The following VAV2 variants were observed in gnomAD, a reference collection of about 807,000 sequenced individuals.
VAV2 encodes guanine nucleotide exchange factor VAV2.
In VAV2, 67 loss-of-function variants were observed where a neutral mutation model predicts 132.5. The observed-to-expected ratio is 0.51, with a 90% CI of 0.42 to 0.62. VAV2 has a LOEUF of 0.62. VAV2 is among the 20% of genes least tolerant of loss of function. VAV2 has a pLI of 0.00. For synonymous variants in VAV2, 492 were observed against 443.5 expected, an observed-to-expected ratio of 1.11 and a Z score of -1.37; for missense variants, 938 against 1,153.6, an observed-to-expected ratio of 0.81 and a Z score of 2.71.
chr9:133,956,719 G>A (rs946207283), intron 1 of VAV2, among the ~76,000 whole-genome samples: 4 of 152,218 alleles, frequency 2.6e-5, no homozygotes, highest in African/African-American at 9.6e-5. Flanking sequence ...GAGCGGGAGG[G>A]GGATTCCCTG....
intron 2 of VAV2, among the ~76,000 whole-genome samples, chr9:133,895,046 G>GGAGA (rs1266706303): frequency 6.6e-6 from 1 of 152,030 alleles, no homozygotes; most frequent in East Asian, 1.9e-4. Context: ...AGATGGTGTG[G>GGAGA]GAGAGGGCGG....
In VAV2 at chr9:133,879,203, C is replaced by A. The variant is rs1039432142; in HGVS notation, c.322-17771G>T. 1.6e-4 allele frequency among the ~76,000 whole-genome samples: 24 copies of A among 152,316 alleles called. No individual in the cohort carries two copies. Among genetic ancestry groups the A allele is most frequent in the African/African-American group, 5.3e-4 (22 of 41,566 alleles). On this transcript the variant is annotated intron_variant, in intron 2 of 29. Coordinates refer to ENST00000371850, the MANE Select transcript of VAV2 (RefSeq NM_001134398.2). The surrounding 1 kb of genome is among the most constrained non-coding windows in gnomAD (Gnocchi z 4.4). ...CCCCAGGCCCTCCTCTGTAACGAGG[C>A]CCTCTGGGGGCTCTTGCTTCCTCAC...
At chr9:133,783,692 T>G (rs1454699965) in intron 18 of VAV2, 101 bp from the exon 19 acceptor site, 11 of 1,062,882 alleles carry the variant, frequency 1.0e-5, no homozygotes, top group Non-Finnish European at 1.6e-5. Flanking sequence ...CTCACCTGGC[T>G]GGCTGTCTCC....
chr9:133,788,234 C>CCCCCCCGCCCCCCA lies in VAV2; in HGVS notation c.1407+119_1407+120insTGGGGGGCGGGGGG. The CCCCCCCGCCCCCCA allele has an allele frequency of 1.1e-6, 1 of 939,400 alleles. No individual in the cohort carries two copies. The highest frequency in any genetic ancestry group is 1.7e-5 in the African/African-American group (1 of 60,518). 58.2% of individuals were successfully genotyped at this position (939,400 alleles called of 1,614,324 possible). A position where few individuals can be genotyped will look rare whatever the true frequency, so the allele number is the denominator to read the frequency against. ...GCAGAGCGGAGACGCCCACCCCAAC[C>CCCCCCCGCCCCCCA]CACCCGGCCAGCATCAGCGGCTGAC... On this transcript the variant is annotated intron_variant, in intron 15 of 29. Transcript: ENST00000371850. This position sits in a 1 kb window ranked among gnomAD's most constrained non-coding sequence, Gnocchi z 5.3.
intron 3 of VAV2, among the ~76,000 whole-genome samples, chr9:133,850,699 T>C (rs775078737): frequency 6.6e-5 from 10 of 152,308 alleles, no homozygotes; most frequent in East Asian, 1.9e-4. Flanking sequence ...GTGAGCCCAC[T>C]GGGGTCACCT....
In VAV2 at chr9:133,949,916, A is replaced by G. The variant is rs908851944; in HGVS notation, c.205-10697T>C. On this transcript the variant is annotated intron_variant, in intron 1 of 29. Transcript: ENST00000371850. ...GGGTTTCACGCTCAGCTTTTCTCACAGTCTGCTCCTGTGCAGCCTGATTTC... is the reference window on the plus strand; with the variant it reads ...GGGTTTCACGCTCAGCTTTTCTCACGGTCTGCTCCTGTGCAGCCTGATTTC... 2.5e-4 allele frequency among the ~76,000 whole-genome samples: 38 copies of G among 152,314 alleles called. No homozygotes were observed. The Middle Eastern group carries it at 0.01, about 41-fold the overall frequency.
rs181119216 is a variant in VAV2 at position 133,877,097 on chromosome 9, G to A, written c.322-15665C>T. On this transcript the variant is annotated intron_variant, in intron 2 of 29. Transcript: ENST00000371850. The stretch of plus-strand genomic sequence containing the variant: ...GAGGCTGAGAGGCACGTGGTTATCT[G>A]AGCCACCACCACCCCATTTCTGTTT... Among the ~76,000 whole-genome samples, 291 of 152,268 alleles carry A rather than the reference G, an allele frequency of 1.9e-3. 1 individual carries two copies. The highest frequency in any genetic ancestry group is 6.8e-3 in the African/African-American group (281 of 41,532).
intron 2 of VAV2, among the ~76,000 whole-genome samples, chr9:133,903,078 GAA>G (rs61131449): frequency 8.5e-5 from 9 of 105,328 alleles, no homozygotes; most frequent in Admixed American, 2.1e-4. Context: ...CCTGCCCCAG[GAA>G]AAAAAAAAAA....
intron 1 of VAV2, among the ~76,000 whole-genome samples, chr9:133,990,472 G>T (rs1842981071): frequency 6.6e-6 from 1 of 152,144 alleles, no homozygotes; most frequent in South Asian, 2.1e-4. Context: ...GCAGCCCCCG[G>T]ACCCAGCGAG....
chr9:133,813,370 C>T (rs574386975), intron 4 of VAV2, among the ~76,000 whole-genome samples: 1 of 152,374 alleles, frequency 6.6e-6, no homozygotes, highest in East Asian at 1.9e-4. Flanking sequence ...TACTCAGGAA[C>T]GGGTTCCCCA....
intron 1 of VAV2, among the ~76,000 whole-genome samples, chr9:133,967,064 GATA>G (rs71380267): frequency 0.33 from 48,001 of 144,750 alleles, 8,086 homozygotes; most frequent in Middle Eastern, 0.43. Context: ...AAATAGTAAT[GATA>G]ATAATAATAA....
chr9:133,953,851 G>A (rs758955688), intron 1 of VAV2, among the ~76,000 whole-genome samples: 2 of 152,116 alleles, frequency 1.3e-5, no homozygotes, highest in Non-Finnish European at 2.9e-5. Flanking sequence ...CACCTGGCCC[G>A]AGTACCCCAA....
intron 2 of VAV2, among the ~76,000 whole-genome samples, chr9:133,898,083 A>C (rs994544785): frequency 3.0e-5 from 3 of 99,924 alleles, no homozygotes; most frequent in Non-Finnish European, 6.5e-5. Context: ...CCCTTTGAAA[A>C]TCCCAAGCTC....
chr9:133,924,349 G>C (rs1840398214), intron 2 of VAV2, among the ~76,000 whole-genome samples: 2 of 152,082 alleles, frequency 1.3e-5, no homozygotes, highest in Non-Finnish European at 2.9e-5. Flanking sequence ...ACCACACCCA[G>C]CTAATTTTTG....
In VAV2 at chr9:133,794,688, C is replaced by A. The variant is rs1834636898; in HGVS notation, c.1101+980G>T. On this transcript the variant is annotated intron_variant, in intron 12 of 29. Transcript: ENST00000371850. The surrounding 1 kb of genome is among the most constrained non-coding windows in gnomAD (Gnocchi z 4.6). ...GGGGCTGGCAGAGGTGTCCTGTGCT[C>A]CCGACGAGGGAGATGTGGGGGGGGT... is the stretch of plus-strand genomic sequence containing the variant. 6.6e-6 allele frequency among the ~76,000 whole-genome samples: 1 copy of A among 152,122 alleles called. No homozygotes were observed. The highest frequency in any genetic ancestry group is 2.1e-4 in the South Asian group (1 of 4,824).
intron 2 of VAV2, among the ~76,000 whole-genome samples, chr9:133,882,795 T>C (rs1838550960): frequency 6.6e-6 from 1 of 152,012 alleles, no homozygotes; most frequent in Non-Finnish European, 1.5e-5. Context: ...GGGATACAAA[T>C]GTCATAAGGT....
intron 23 of VAV2, among the ~76,000 whole-genome samples, 156 bp from the exon 24 acceptor site, chr9:133,776,236 T>C (rs1281902860): frequency 6.6e-6 from 1 of 152,028 alleles, no homozygotes; most frequent in African/African-American, 2.4e-5. Flanking sequence ...GCCTGGGAGG[T>C]GCCCAAGGGT....
chr9:133,829,844 G>T (rs370832711), intron 4 of VAV2, among the ~76,000 whole-genome samples: 1 of 151,990 alleles, frequency 6.6e-6, no homozygotes, highest in Admixed American at 6.6e-5. Context: ...ATTTTTTGAC[G>T]TGGCTCCGCT....
chr9:133,779,563 C>T (rs1833933208), intron 21 of VAV2, among the ~76,000 whole-genome samples: 3 of 152,224 alleles, frequency 2.0e-5, no homozygotes, highest in Admixed American at 1.3e-4. Flanking sequence ...TTAAGCAACC[C>T]GCAGCAAGGC....
Sources: gnomAD v4.1 joint callset for allele counts (sites outside exome capture counted in the v4.1 genomes callset) on GRCh38, gnomAD v4.1.1 for gene constraint, Gnocchi (gnomAD v3.1) non-coding constraint, MANE v1.5 for transcripts, NCBI Gene and HGNC (gene_info 2026-07-23, HGNC 2026-07-21) for gene names.